Variants in PRUNE2 observed in about 807,000 individuals in gnomAD.
The protein encoded by PRUNE2 is protein prune homolog 2.
A neutral mutation model predicts 252.0 loss-of-function variants in PRUNE2; 164 were observed. The ratio of observed to expected loss-of-function variants is 0.65; its 90% CI spans 0.57 to 0.74. PRUNE2 has a LOEUF of 0.74. Among genes scored for constraint, PRUNE2 ranks in the 30% least tolerant of loss-of-function variants. The probability of loss-of-function intolerance (pLI) is 0.00; values close to 1 mark genes in which losing one functional copy is unlikely to be tolerated. For synonymous variants in PRUNE2, 1,292 were observed against 1,350.2 expected, an observed-to-expected ratio of 0.96 and a Z score of 0.94; for missense variants, 3,495 against 3,711.0, an observed-to-expected ratio of 0.94 and a Z score of 1.51.
intron 9 of PRUNE2, among the ~76,000 whole-genome samples, chr9:76,679,272 GTTAAAAA>G (rs1303894944): frequency 1.3e-5 from 2 of 152,122 alleles, no homozygotes; most frequent in African/African-American, 4.8e-5. Flanking sequence ...CAGTAATTTT[GTTAAAAA>G]TTAAATACAA....
intron 9 of PRUNE2, among the ~76,000 whole-genome samples, chr9:76,671,485 T>C (rs1248276668): frequency 1.3e-5 from 2 of 151,982 alleles, no homozygotes; most frequent in East Asian, 3.9e-4. Flanking sequence ...CTCTGCAGGA[T>C]ATTATCCAGG....
intron 1 of PRUNE2, among the ~76,000 whole-genome samples, chr9:76,864,317 T>C (rs1214498300): frequency 6.6e-6 from 1 of 151,982 alleles, no homozygotes; most frequent in Non-Finnish European, 1.5e-5. Flanking sequence ...GGAAGGAGGG[T>C]GTAGGCTGAA....
intron 13 of PRUNE2, among the ~76,000 whole-genome samples, chr9:76,637,925 C>T (rs1044830685): frequency 6.6e-5 from 10 of 152,140 alleles, no homozygotes; most frequent in African/African-American, 9.7e-5. Flanking sequence ...AAAAATAATA[C>T]TTTGCCCAAA....
intron 14 of PRUNE2, 123 bp downstream of exon 14, chr9:76,637,295 T>C (rs1227271941): frequency 3.8e-5 from 35 of 932,622 alleles, no homozygotes; most frequent in Non-Finnish European, 5.5e-5. Context: ...GACAATTTAT[T>C]TGATCTTATT....
At chr9:76,783,523 C>A (rs890389682) in intron 6 of PRUNE2, among the ~76,000 whole-genome samples, 3 of 152,150 alleles carry the variant, frequency 2.0e-5, no homozygotes, top group East Asian at 3.9e-4. Context: ...ATGTAGATTG[C>A]TTCATTTGTT....
chr9:76,846,466 G>C, intron 4 of PRUNE2, 49 bp downstream of exon 4: 2 of 1,521,010 alleles, frequency 1.3e-6, no homozygotes, highest in African/African-American at 1.4e-5. Context: ...CAGGCTGGGA[G>C]ACACTCCATT....
intron 6 of PRUNE2, among the ~76,000 whole-genome samples, chr9:76,722,054 C>T (rs1178433910): frequency 2.6e-5 from 4 of 151,548 alleles, no homozygotes; most frequent in South Asian, 2.1e-4. Context: ...TTTATTTATA[C>T]TCTATTGTTC....
intron 6 of PRUNE2, among the ~76,000 whole-genome samples, chr9:76,769,272 A>G (rs764471834): frequency 6.6e-6 from 1 of 152,244 alleles, no homozygotes; most frequent in Non-Finnish European, 1.5e-5. Flanking sequence ...ACAATTTTTT[A>G]CTTCAATACA....
At chr9:76,887,505 T>C (rs555530533) in intron 1 of PRUNE2, among the ~76,000 whole-genome samples, 1 of 152,330 alleles carries the variant, frequency 6.6e-6, no homozygotes, top group South Asian at 2.1e-4. Context: ...AATCCGTCCC[T>C]GCACGGTGCC....
chr9:76,884,491 T>C (rs1478487042), intron 1 of PRUNE2, among the ~76,000 whole-genome samples: 1 of 152,234 alleles, frequency 6.6e-6, no homozygotes, highest in Non-Finnish European at 1.5e-5. Context: ...GTAAATAATA[T>C]GTCTGATTGA....
chr9:76,669,718 G>A lies in PRUNE2; in HGVS notation c.8277-14216C>T, dbSNP rs554845023. Among the ~76,000 whole-genome samples, 4 of 152,256 alleles carry A rather than the reference G, an allele frequency of 2.6e-5. No homozygotes were observed. The South Asian group carries it at 8.3e-4, about 32-fold the overall frequency. Reference sequence around the variant, plus strand: ...GGCGTGAGATGCCAGTCTTCCTTGTGGAAGGAATTCCAACTCTTTACCCAG... The same window carrying A: ...GGCGTGAGATGCCAGTCTTCCTTGTAGAAGGAATTCCAACTCTTTACCCAG... On this transcript the variant is annotated intron_variant, in intron 9 of 18. Transcript: ENST00000376718.
chr9:76,679,068 G>A (rs1419379274), intron 9 of PRUNE2, among the ~76,000 whole-genome samples: 2 of 152,144 alleles, frequency 1.3e-5, no homozygotes, highest in Non-Finnish European at 2.9e-5. Context: ...CTTTTAAAAT[G>A]TGCAACCTTA....
chr9:76,655,424 A>C lies in PRUNE2; in HGVS notation c.8355T>G (p.Pro2785=). Reference sequence around the variant, plus strand: ...GAAATGAACAAATGCTGCTCTCACCAGGCCTCATGTCTGCAGCACTGGGAC... The same window carrying C: ...GAAATGAACAAATGCTGCTCTCACCCGGCCTCATGTCTGCAGCACTGGGAC... The part of the protein sequence containing the change: ...VLSPSAADMR[P]EPPNSLDLND... Residue 2785 remains proline (P), a splice_region_variant and synonymous_variant, in exon 10 of 19, where the codon CCT becomes CCG. Transcript: ENST00000376718. 1 of 1,608,658 alleles carries C rather than the reference A, an allele frequency of 6.2e-7. No individual in the cohort carries two copies. The highest frequency in any genetic ancestry group is 1.1e-5 in the South Asian group (1 of 90,330).
chr9:76,732,789 C>T (rs1337020272), intron 6 of PRUNE2, among the ~76,000 whole-genome samples: 1 of 152,202 alleles, frequency 6.6e-6, no homozygotes, highest in Non-Finnish European at 1.5e-5. Flanking sequence ...CTCCAGCAGC[C>T]ACTGGACCCT....
chr9:76,861,565 C>G (rs116800348), intron 1 of PRUNE2, among the ~76,000 whole-genome samples: 5 of 152,084 alleles, frequency 3.3e-5, no homozygotes, highest in African/African-American at 9.7e-5. Flanking sequence ...CAGTTCCCCC[C>G]GGTCAGGCTT....
At chr9:76,807,371 C>T (rs1262321448) in intron 6 of PRUNE2, among the ~76,000 whole-genome samples, 1 of 152,146 alleles carries the variant, frequency 6.6e-6, no homozygotes, top group Non-Finnish European at 1.5e-5. Context: ...CAATGCCTGG[C>T]CTCGACCTCC....
chr9:76,659,272 T>G (rs1374912588), intron 9 of PRUNE2, among the ~76,000 whole-genome samples: 1 of 152,258 alleles, frequency 6.6e-6, no homozygotes, highest in Non-Finnish European at 1.5e-5. Context: ...TGACTTATGC[T>G]ATGCTCAAAA....
chr9:76,705,149 A>G lies in PRUNE2; in HGVS notation c.7125T>C (p.Gly2375=). 5 of 1,613,944 alleles carry G rather than the reference A, an allele frequency of 3.1e-6. No individual in the cohort carries two copies. The highest frequency in any genetic ancestry group is 2.2e-5 in the East Asian group (1 of 44,876). ...AATCTTCCTCCAAAGGAGGGTCACC[A>G]CCATACAGGAAGTGTTCAGGCTCTC... ...LLREPEHFLY[G]GDPPLEEDSL... The change falls in exon 8 of 19, where the codon GGT becomes GGC. Residue 2375 remains glycine (G), a synonymous_variant. Coordinates refer to ENST00000376718, the MANE Select transcript of PRUNE2 (RefSeq NM_015225.3).
intron 6 of PRUNE2, among the ~76,000 whole-genome samples, chr9:76,720,645 A>G: frequency 1.1e-5 from 1 of 94,188 alleles, no homozygotes; most frequent in South Asian, 3.5e-4. Flanking sequence ...TTATGGGATT[A>G]AATCTGATTC....
Sources: allele counts gnomAD v4.1 joint callset (sites outside exome capture counted in the v4.1 genomes callset), GRCh38; gene constraint gnomAD v4.1.1; transcripts MANE v1.5; gene names NCBI Gene and HGNC (gene_info 2026-07-23, HGNC 2026-07-21).